NAALADL2: variants seen among roughly 807,000 people sequenced by gnomAD.
NAALADL2 encodes the protein inactive N-acetylated-alpha-linked acidic dipeptidase-like protein 2.
Under a neutral mutation model 87.2 loss-of-function variants are expected in NAALADL2, and 76 were observed. That is an observed-to-expected ratio of 0.87 (90% CI 0.72 to 1.05). The LOEUF (loss-of-function observed/expected upper bound fraction) is 1.05. NAALADL2 is among the 50% of genes least tolerant of loss of function. The pLI is 0.00. For missense variants in NAALADL2, 1,089 were observed against 945.8 expected (o/e 1.15, Z -1.99); for synonymous variants, 354 against 331.0 (o/e 1.07, Z -0.75).
In NAALADL2 at chr3:175,664,802, A is replaced by G. The variant is rs183468491; in HGVS notation, c.1896+37416A>G. Among the ~76,000 whole-genome samples the G allele has an allele frequency of 6.2e-3, 942 of 152,274 alleles. 12 individuals carry two copies. Among genetic ancestry groups the G allele is most frequent in the Middle Eastern group, 0.02 (6 of 294 alleles). The stretch of plus-strand genomic sequence containing the variant: ...GTAAAATGAATTTTAGATGAAGAGG[A>G]AAAAATATAATTACTTATATTTGAT... On this transcript the variant is annotated intron_variant, in intron 11 of 13. Transcript: ENST00000454872.
At chr3:174,789,444 A>G (rs1717198592) in intron 3 of NAALADL2, among the ~76,000 whole-genome samples, 1 of 152,174 alleles carries the variant, frequency 6.6e-6, no homozygotes. Flanking sequence ...TTATTTTAAA[A>G]ACCAATTATT....
chr3:175,305,808 C>T (rs1315889594), intron 4 of NAALADL2, among the ~76,000 whole-genome samples: 1 of 152,214 alleles, frequency 6.6e-6, no homozygotes, highest in African/African-American at 2.4e-5. Context: ...AGGCGTGAGC[C>T]ACCGCACCTG....
chr3:174,657,041 CTTTT>C (rs60569510), intron 2 of NAALADL2, among the ~76,000 whole-genome samples: 12 of 115,796 alleles, frequency 1.0e-4, no homozygotes, highest in East Asian at 2.3e-4. Context: ...TTTCCTTCTT[CTTTT>C]TTTTTTTTTT....
chr3:175,015,734 A>G lies in NAALADL2; in HGVS notation c.44-81056A>G, dbSNP rs192090926. ...GGTAACATACTAAAATAGTTTTACT[A>G]ATTAAATAGAATAACTTATTTTGAA... On this transcript the variant is annotated intron_variant, in intron 1 of 13. Transcript: ENST00000454872. Among the ~76,000 whole-genome samples the G allele has an allele frequency of 6.9e-4, 105 of 152,242 alleles. 1 individual carries two copies. The highest frequency in any genetic ancestry group is 2.3e-3 in the African/African-American group (97 of 41,576).
At chr3:175,277,780 T>C (rs1753787122) in intron 4 of NAALADL2, among the ~76,000 whole-genome samples, 1 of 152,196 alleles carries the variant, frequency 6.6e-6, no homozygotes, top group Non-Finnish European at 1.5e-5. Context: ...TGCTAAAAGA[T>C]ACCATTTACC....
intron 11 of NAALADL2, among the ~76,000 whole-genome samples, chr3:175,628,894 G>T (rs557599038): frequency 6.7e-6 from 1 of 150,120 alleles, no homozygotes; most frequent in African/African-American, 2.4e-5. Context: ...AAAAGAGTTT[G>T]AATTACATTT....
At chr3:174,546,499 C>A (rs1336835745) in intron 1 of NAALADL2, among the ~76,000 whole-genome samples, 1 of 152,160 alleles carries the variant, frequency 6.6e-6, no homozygotes, top group Non-Finnish European at 1.5e-5. Flanking sequence ...GGTAATGCCA[C>A]TTGCTGAACC....
intron 1 of NAALADL2, among the ~76,000 whole-genome samples, chr3:175,063,019 C>G (rs1713829261): frequency 6.6e-6 from 1 of 152,020 alleles, no homozygotes; most frequent in East Asian, 1.9e-4. Flanking sequence ...GTATTTCATA[C>G]TTAACATATT....
intron 1 of NAALADL2, among the ~76,000 whole-genome samples, chr3:174,916,969 A>G (rs1402115795): frequency 1.2e-4 from 18 of 152,138 alleles, no homozygotes; most frequent in Non-Finnish European, 1.5e-5. Flanking sequence ...TTCATACATT[A>G]TGTTTTTAGC....
intron 5 of NAALADL2, among the ~76,000 whole-genome samples, chr3:175,396,044 A>G (rs1239563541): frequency 3.9e-5 from 6 of 152,180 alleles, no homozygotes; most frequent in Non-Finnish European, 8.8e-5. Flanking sequence ...CTGTGCATAG[A>G]TGGGTAAATT....
Position 174,712,851 on chromosome 3 carries a change from G to A in NAALADL2, c.-114-24790G>A, listed in dbSNP as rs1016220298. The stretch of plus-strand genomic sequence containing the variant: ...AAGTTTTAGGGTACATGTGCACAAC[G>A]TGCAGGTTAGTTACGTATGTATACA... On this transcript the variant is annotated intron_variant, in intron 2 of 3. Transcript: ENST00000434257. Among the ~76,000 whole-genome samples the A allele has an allele frequency of 4.0e-5, 6 of 151,694 alleles. No individual in the cohort carries two copies. The South Asian group carries it at 6.3e-4, about 16-fold the overall frequency.
At chr3:175,196,364 G>A (rs984072375) in intron 2 of NAALADL2, among the ~76,000 whole-genome samples, 1 of 151,766 alleles carries the variant, frequency 6.6e-6, no homozygotes, top group Non-Finnish European at 1.5e-5. Context: ...TCCATATGGG[G>A]CACTTTCATC....
intron 12 of NAALADL2, among the ~76,000 whole-genome samples, chr3:175,753,310 C>A (rs755391466): frequency 2.0e-5 from 3 of 152,132 alleles, no homozygotes; most frequent in Non-Finnish European, 4.4e-5. Context: ...AAGAACATTT[C>A]ATGTAATCCT....
chr3:175,604,700 TAC>T (rs1208743115), intron 10 of NAALADL2, among the ~76,000 whole-genome samples: 5 of 152,188 alleles, frequency 3.3e-5, no homozygotes, highest in Non-Finnish European at 7.4e-5. Context: ...AGGTACAGGT[TAC>T]ATATTTCTGC....
chr3:174,522,072 C>T (rs78573345), intron 1 of NAALADL2, among the ~76,000 whole-genome samples: 3,029 of 152,200 alleles, frequency 0.02, 99 homozygotes, highest in African/African-American at 0.07. Context: ...ACACTCCAGC[C>T]TGGGCAACAG....
chr3:174,843,715 G>A (rs905873009), intron 3 of NAALADL2, among the ~76,000 whole-genome samples: 6 of 151,956 alleles, frequency 3.9e-5, no homozygotes, highest in African/African-American at 1.2e-4. Flanking sequence ...TTTGGTAATG[G>A]CCATTCTAAC....
chr3:175,250,883 T>C (rs891608331), intron 3 of NAALADL2, among the ~76,000 whole-genome samples: 2 of 152,208 alleles, frequency 1.3e-5, no homozygotes, highest in Non-Finnish European at 2.9e-5. Flanking sequence ...TGTGTAATAG[T>C]ACATTTCTTC....
At position 175,803,595 on chromosome 3, in the gene NAALADL2, T is replaced by TAAAAG. The variant is rs146250978; in HGVS notation, c.*396_*400dup. On this transcript the variant is annotated 3_prime_UTR_variant, in exon 14 of 14. Transcript: ENST00000454872. ...AGAGCTATTAATGACTTAGTTTCTGTAAAAGAAATGGAGAGTTGATATGGT... is the reference window on the plus strand; with the variant it reads ...AGAGCTATTAATGACTTAGTTTCTGTAAAAGAAAAGAAATGGAGAGTTGATATGGT... 0.015 allele frequency: 2,368 copies of TAAAAG among 154,694 alleles called. 59 individuals carry two copies. Among genetic ancestry groups the TAAAAG allele is most frequent in the African/African-American group, 0.055 (2,277 of 41,550 alleles). 9.6% of individuals were successfully genotyped at this position (154,694 alleles called of 1,614,324 possible). A position where few individuals can be genotyped will look rare whatever the true frequency, so the allele number is the denominator to read the frequency against.
rs556783990 is a variant in NAALADL2 at position 174,660,774 on chromosome 3, A to G, written c.-114-76867A>G. 2.0e-5 allele frequency among the ~76,000 whole-genome samples: 3 copies of G among 152,306 alleles called. No homozygotes were observed. The South Asian group carries it at 6.2e-4, about 32-fold the overall frequency. On this transcript the variant is annotated intron_variant, in intron 2 of 3. Coordinates refer to the NAALADL2 transcript ENST00000434257. ...AACATAATTTTTGCCTTATTATTAAAGCTGTGAAAGTACCTTCATTTTTGG... is the reference window on the plus strand; with the variant it reads ...AACATAATTTTTGCCTTATTATTAAGGCTGTGAAAGTACCTTCATTTTTGG...
Sources: gnomAD v4.1 joint callset for allele counts (sites outside exome capture counted in the v4.1 genomes callset) on GRCh38, gnomAD v4.1.1 for gene constraint, MANE v1.5 for transcripts, NCBI Gene and HGNC (gene_info 2026-07-23, HGNC 2026-07-21) for gene names.